Variants in PPA1 observed in about 807,000 individuals in gnomAD.
PPA1 encodes the protein inorganic pyrophosphatase.
Under a neutral mutation model 41.8 loss-of-function variants are expected in PPA1, and 23 were observed. The ratio of observed to expected loss-of-function variants is 0.55; its 90% confidence interval spans 0.40 to 0.78. The LOEUF (loss-of-function observed/expected upper bound fraction) is 0.78, where lower values mean the gene tolerates loss of function less well. PPA1 is among the 30% of genes least tolerant of loss of function. The pLI is 0.00. For synonymous variants in PPA1, 101 were observed against 116.8 expected (o/e 0.86, Z 0.87); for missense variants, 320 against 361.6 (o/e 0.89, Z 0.93).
intron 1 of PPA1, among the ~76,000 whole-genome samples, chr10:70,231,247 C>T (rs943102264): frequency 2.6e-5 from 4 of 152,170 alleles, no homozygotes; most frequent in Admixed American, 2.6e-4. Context: ...AACCTACTGT[C>T]CACATCGCAT....
At chr10:70,225,415 A>G (rs1262552946) in intron 2 of PPA1, among the ~76,000 whole-genome samples, 1 of 151,798 alleles carries the variant, frequency 6.6e-6, no homozygotes, top group Non-Finnish European at 1.5e-5. Flanking sequence ...GGGTTTCACC[A>G]TGTTGCTGAG....
At position 70,220,631 on chromosome 10, in the gene PPA1, A is replaced by AT. The variant is rs1840134800; in HGVS notation, c.124-1815dup. 2.6e-4 allele frequency among the ~76,000 whole-genome samples: 3 copies of AT among 11,406 alleles called. 1 individual carries two copies. The highest frequency in any genetic ancestry group is 2.8e-4 in the Non-Finnish European group (2 of 7,024). The allele number at this position is 11,406 out of a possible 152,430, so 7.5% of individuals were successfully genotyped here. On this transcript the variant is annotated intron_variant, in intron 2 of 10. Transcript: ENST00000373232. ...TATATATTATATATAATTTATATAT[A>AT]TATAATATATATAATTTATATATAT...
intron 2 of PPA1, among the ~76,000 whole-genome samples, chr10:70,228,562 C>A (rs760215104): frequency 4.6e-5 from 7 of 152,216 alleles, no homozygotes; most frequent in Non-Finnish European, 8.8e-5. Context: ...CCCAATGGGG[C>A]CAATTGAAGA....
At chr10:70,224,584 T>C (rs1406433075) in intron 2 of PPA1, among the ~76,000 whole-genome samples, 2 of 152,204 alleles carry the variant, frequency 1.3e-5, no homozygotes, top group South Asian at 2.1e-4. Flanking sequence ...TACTAATAAA[T>C]AGGCTACGGC....
At position 70,221,076 on chromosome 10, in the gene PPA1, ATTTTTTTTT is replaced by A. The variant is rs11310336; in HGVS notation, c.124-2268_124-2260del. ...ATATAATTTATATATATATATATATATTTTTTTTTTTTTTTTTTTGTAGAGATGGAGCTT... is the reference window on the plus strand; with the variant it reads ...ATATAATTTATATATATATATATATATTTTTTTTTTGTAGAGATGGAGCTT... On this transcript the variant is annotated intron_variant, in intron 2 of 10. Coordinates refer to ENST00000373232, the MANE Select transcript of PPA1 (RefSeq NM_021129.4). Among the ~76,000 whole-genome samples the A allele has an allele frequency of 6.7e-4, 27 of 40,028 alleles. 2 individuals are homozygous for A. Among genetic ancestry groups the A allele is most frequent in the East Asian group, 4.3e-3 (6 of 1,386 alleles). 26.3% of individuals were successfully genotyped at this position (40,028 alleles called of 152,430 possible).
At chr10:70,221,541 C>G (rs1171918163) in intron 2 of PPA1, among the ~76,000 whole-genome samples, 3 of 152,130 alleles carry the variant, frequency 2.0e-5, no homozygotes. Context: ...AATTATTAAT[C>G]CTGGGTAGAA....
At position 70,213,502 on chromosome 10, in the gene PPA1, C is replaced by T. The variant is rs943878197; in HGVS notation, c.472G>A (p.Ala158Thr). ...DEGETDWKVIAINVDDPDAAN... is the reference protein window; with the variant it reads ...DEGETDWKVITINVDDPDAAN... ...GCATCAGGATCATCCACATTAATGG[C>T]AATGACTTTCCAGTCGGTTTCCCCT... The change falls in exon 6 of 11, where the codon GCC (alanine) becomes ACC (threonine). Residue 158 changes from alanine (A) to threonine (T), a missense_variant. Coordinates refer to ENST00000373232, the MANE Select transcript of PPA1 (RefSeq NM_021129.4). The T allele has an allele frequency of 6.2e-7, 1 of 1,614,046 alleles. No individual in the cohort carries two copies. Among genetic ancestry groups the T allele is most frequent in the Non-Finnish European group, 8.5e-7 (1 of 1,179,944 alleles).
At chr10:70,208,479 C>T (rs550117725) in intron 8 of PPA1, among the ~76,000 whole-genome samples, 1 of 152,046 alleles carries the variant, frequency 6.6e-6, no homozygotes, top group East Asian at 1.9e-4. Flanking sequence ...GCAAGCGCCA[C>T]CATGCCTGGC....
intron 10 of PPA1, chr10:70,204,639 G>T: frequency 4.8e-6 from 2 of 418,198 alleles, no homozygotes; most frequent in Non-Finnish European, 4.3e-6. Flanking sequence ...TTTCAAAATT[G>T]CTAAGAGTAG....
intron 4 of PPA1, among the ~76,000 whole-genome samples, chr10:70,215,201 AC>A (rs1370026857): frequency 2.6e-5 from 4 of 152,216 alleles, no homozygotes; most frequent in Admixed American, 1.3e-4. Context: ...TCTCAAAAAA[AC>A]AAAACAAAAC....
chr10:70,226,579 CTGCTATTTT>C (rs1389996209), intron 2 of PPA1, among the ~76,000 whole-genome samples: 3 of 151,810 alleles, frequency 2.0e-5, no homozygotes, highest in African/African-American at 7.3e-5. Flanking sequence ...AAAGAAAAAG[CTGCTATTTT>C]TGCTATTTTT....
intron 2 of PPA1, among the ~76,000 whole-genome samples, chr10:70,222,792 C>G (rs924643295): frequency 2.6e-5 from 4 of 151,958 alleles, no homozygotes; most frequent in African/African-American, 4.8e-5. Context: ...ATTAACTCAT[C>G]ATTTAGCATT....
intron 2 of PPA1, among the ~76,000 whole-genome samples, chr10:70,221,409 C>T (rs1840167453): frequency 6.6e-6 from 1 of 151,972 alleles, no homozygotes; most frequent in Non-Finnish European, 1.5e-5. Context: ...CCTGATACCT[C>T]ACTTACCCAA....
intron 2 of PPA1, among the ~76,000 whole-genome samples, chr10:70,226,314 C>T (rs547343530): frequency 6.6e-6 from 1 of 152,198 alleles, no homozygotes; most frequent in Admixed American, 6.5e-5. Context: ...GGAGCGCACA[C>T]CTGTAATCCC....
intron 2 of PPA1, among the ~76,000 whole-genome samples, chr10:70,226,882 C>T (rs1471766447): frequency 6.6e-6 from 1 of 152,042 alleles, no homozygotes; most frequent in African/African-American, 2.4e-5. Flanking sequence ...ACACATATTC[C>T]ATATTTATAT....
chr10:70,220,934 C>T (rs953223984), intron 2 of PPA1, among the ~76,000 whole-genome samples: 1 of 12,486 alleles, frequency 8.0e-5, no homozygotes, highest in African/African-American at 2.7e-4. Flanking sequence ...TTTATATATA[C>T]TATATATATA....
At chr10:70,208,934 C>G (rs985959583) in intron 8 of PPA1, among the ~76,000 whole-genome samples, 1 of 151,952 alleles carries the variant, frequency 6.6e-6, no homozygotes, top group African/African-American at 2.4e-5. Context: ...GCTAGGACTA[C>G]AGGTATGTAC....
chr10:70,225,955 A>T (rs1397867913), intron 2 of PPA1, among the ~76,000 whole-genome samples: 1 of 152,216 alleles, frequency 6.6e-6, no homozygotes, highest in Non-Finnish European at 1.5e-5. Context: ...TTGAGAAGCT[A>T]TCAGAAAGAA....
chr10:70,210,173 C>T (rs1401699564), intron 6 of PPA1: 1 of 340,916 alleles, frequency 2.9e-6, no homozygotes, highest in Non-Finnish European at 5.6e-6. Context: ...CCTTGACCTC[C>T]ACAGTTCAGC....
Sources: gnomAD v4.1 joint callset for allele counts (sites outside exome capture counted in the v4.1 genomes callset) on GRCh38, gnomAD v4.1.1 for gene constraint, MANE v1.5 for transcripts, NCBI Gene and HGNC (gene_info 2026-07-23, HGNC 2026-07-21) for gene names.